The following LZTFL1 variants were observed in gnomAD, a reference collection of about 807,000 sequenced individuals.
The protein encoded by LZTFL1 is leucine zipper transcription factor like 1.
A neutral mutation model predicts 45.9 loss-of-function variants in LZTFL1; 25 were observed. The ratio of observed to expected loss-of-function variants is 0.54; its 90% CI spans 0.40 to 0.76. The LOEUF is 0.76. LZTFL1 is among the 30% of genes least tolerant of loss of function. LZTFL1 has a pLI of 0.00. For synonymous variants in LZTFL1, 93 were observed against 117.4 expected, an observed-to-expected ratio of 0.79 and a Z score of 1.35; for missense variants, 277 against 331.1, an observed-to-expected ratio of 0.84 and a Z score of 1.27.
chr3:45,831,227 TA>T (rs2125680367), intron 5 of LZTFL1, 89 bp from the exon 6 acceptor site: 1 of 734,798 alleles, frequency 1.4e-6, no homozygotes, highest in Non-Finnish European at 2.1e-6. Flanking sequence ...ATCTAATTTT[TA>T]AATTTAAATT....
At chr3:45,883,021 G>A (rs969736575) in intron 2 of LZTFL1, among the ~76,000 whole-genome samples, 2 of 151,994 alleles carry the variant, frequency 1.3e-5, no homozygotes, top group African/African-American at 4.8e-5. Flanking sequence ...CTACAAGGGG[G>A]ACCTTGCCCT....
rs1700696809 is a variant in LZTFL1 at position 45,827,428 on chromosome 3, G to C, written c.809C>G (p.Ala270Gly). The change falls in exon 9 of 10, where the codon GCT becomes GGT. Residue 270 changes from alanine to glycine, a missense_variant. Coordinates refer to ENST00000296135, the MANE Select transcript of LZTFL1 (RefSeq NM_020347.4). Reference protein sequence around the residue: ...ELEKKFQQTAAYRNMKEILTK... With the variant: ...ELEKKFQQTAGYRNMKEILTK... ...AAGAATCTCTTTCATGTTTCGATAA[G>C]CTGCTGTTTGCTGAAATTTCTTTTC... The C allele has an allele frequency of 6.2e-7, 1 of 1,613,180 alleles. No homozygotes were observed. Among genetic ancestry groups the C allele is most frequent in the Admixed American group, 1.7e-5 (1 of 59,984 alleles).
chr3:45,829,919 A>G (rs570152246), intron 7 of LZTFL1, among the ~76,000 whole-genome samples: 2 of 152,384 alleles, frequency 1.3e-5, no homozygotes, highest in East Asian at 1.9e-4. Flanking sequence ...CATTAGCTAT[A>G]TAAGAAGTAT....
upstream of LZTFL1, among the ~76,000 whole-genome samples, chr3:45,844,276 G>A (rs1487261852): frequency 6.6e-6 from 1 of 152,100 alleles, no homozygotes; most frequent in Non-Finnish European, 1.5e-5. Flanking sequence ...TTGTGTGCAA[G>A]GTTCTGTGGC....
upstream of LZTFL1, among the ~76,000 whole-genome samples, chr3:45,846,510 G>C (rs996515860): frequency 1.3e-5 from 2 of 152,028 alleles, no homozygotes; most frequent in Non-Finnish European, 2.9e-5. Flanking sequence ...CCCCAAAACT[G>C]AACTACTAAT....
chr3:45,870,712 A>G (rs1701658070), intron 2 of LZTFL1, among the ~76,000 whole-genome samples: 1 of 152,246 alleles, frequency 6.6e-6, no homozygotes, highest in Admixed American at 6.5e-5. Flanking sequence ...TGTTAATTAC[A>G]CAATTAAGCA....
chr3:45,850,654 A>G (rs891944291), intron 4 of LZTFL1, among the ~76,000 whole-genome samples: 2 of 152,118 alleles, frequency 1.3e-5, no homozygotes, highest in Non-Finnish European at 2.9e-5. Context: ...ATATTTCTTG[A>G]TGTCCTGAGA....
At chr3:45,832,528 C>A in intron 5 of LZTFL1, 1 of 151,536 alleles carries the variant, frequency 6.6e-6, no homozygotes, top group Non-Finnish European at 1.5e-5. Flanking sequence ...CTTCTAGTCC[C>A]AAGGATAAGG....
intron 2 of LZTFL1, among the ~76,000 whole-genome samples, chr3:45,882,224 C>T (rs771599368): frequency 1.5e-4 from 23 of 152,212 alleles, no homozygotes; most frequent in Non-Finnish European, 2.6e-4. Context: ...TAGTCCCTTT[C>T]CTCATGGATT....
intron 4 of LZTFL1, among the ~76,000 whole-genome samples, chr3:45,848,837 C>A (rs1023495119): frequency 6.6e-6 from 1 of 152,178 alleles, no homozygotes; most frequent in African/African-American, 2.4e-5. Context: ...CCAACCTTTA[C>A]ATATATTTTA....
intron 2 of LZTFL1, among the ~76,000 whole-genome samples, chr3:45,878,952 G>A (rs1168773079): frequency 6.6e-6 from 1 of 152,152 alleles, no homozygotes; most frequent in Non-Finnish European, 1.5e-5. Flanking sequence ...AGGTCATTAG[G>A]GAACTTCAGA....
intron 2 of LZTFL1, among the ~76,000 whole-genome samples, chr3:45,912,099 C>T (rs1030060881): frequency 6.6e-6 from 1 of 152,226 alleles, no homozygotes; most frequent in African/African-American, 2.4e-5. Flanking sequence ...CACATAGTCT[C>T]CCAGGGTGCC....
chr3:45,859,304 C>A (rs1423619452), intron 2 of LZTFL1, among the ~76,000 whole-genome samples: 3 of 152,236 alleles, frequency 2.0e-5, no homozygotes, highest in Non-Finnish European at 4.4e-5. Flanking sequence ...TAGCTCCCTG[C>A]AGCCTCTAAC....
chr3:45,859,639 CT>C (rs539062553), intron 2 of LZTFL1, among the ~76,000 whole-genome samples: 14,966 of 129,676 alleles, frequency 0.12, 788 homozygotes, highest in African/African-American at 0.24. Context: ...CATTACATGG[CT>C]TTTTTTTTTT....
chr3:45,864,539 T>A (rs1263091341), intron 2 of LZTFL1, among the ~76,000 whole-genome samples: 4 of 152,348 alleles, frequency 2.6e-5, no homozygotes, highest in Admixed American at 2.0e-4. Context: ...TTTAATGACA[T>A]GAAAACATTT....
chr3:45,913,074 C>G, intron 2 of LZTFL1: 1 of 1,518,550 alleles, frequency 6.6e-7, no homozygotes. Context: ...GCTGTCTCAG[C>G]ATAACGCAGT....
At chr3:45,903,874 A>G (rs541779900) in intron 2 of LZTFL1, among the ~76,000 whole-genome samples, 10 of 152,370 alleles carry the variant, frequency 6.6e-5, no homozygotes, top group Admixed American at 6.5e-4. Flanking sequence ...ACCATTTCCA[A>G]GAGGAGACCC....
At chr3:45,892,303 AT>A (rs1311602308) in intron 2 of LZTFL1, among the ~76,000 whole-genome samples, 1 of 152,220 alleles carries the variant, frequency 6.6e-6, no homozygotes, top group Non-Finnish European at 1.5e-5. Flanking sequence ...AAAACATGGA[AT>A]CAACCTAAAT....
rs1430481390 is a variant in LZTFL1 at position 45,825,879 on chromosome 3, A to T, written c.*435T>A. Reference sequence around the variant, plus strand: ...AAATAAAGAGACATATTTATTTGTAATAACTCTCTTTTTTTGGTAATAACT... The same window carrying T: ...AAATAAAGAGACATATTTATTTGTATTAACTCTCTTTTTTTGGTAATAACT... On this transcript the variant is annotated 3_prime_UTR_variant, in exon 10 of 10. Transcript: ENST00000296135. The T allele has an allele frequency of 1.9e-5, 3 of 156,884 alleles. No homozygotes were observed. Among genetic ancestry groups the T allele is most frequent in the African/African-American group, 7.2e-5 (3 of 41,670 alleles). The allele number at this position is 156,884 out of a possible 1,614,324, so 9.7% of individuals were successfully genotyped here.
Sources: gnomAD v4.1 joint callset for allele counts (sites outside exome capture counted in the v4.1 genomes callset) on GRCh38, gnomAD v4.1.1 for gene constraint, MANE v1.5 for transcripts, NCBI Gene and HGNC (gene_info 2026-07-23, HGNC 2026-07-21) for gene names.